RHBDD1: variants seen among roughly 807,000 people sequenced by gnomAD.
The protein encoded by RHBDD1 is rhomboid domain containing 1.
A neutral mutation model predicts 36.3 loss-of-function variants in RHBDD1; 38 were observed. That is an observed-to-expected ratio of 1.05 (90% CI 0.81 to 1.37). RHBDD1 has a LOEUF of 1.37. RHBDD1 is among the 40% of genes most tolerant of loss of function. The pLI is 0.00. For synonymous variants in RHBDD1, 151 were observed against 136.5 expected (o/e 1.11, Z -0.74); for missense variants, 393 against 377.6 (o/e 1.04, Z -0.34).
rs1415570803 is a variant in RHBDD1 at position 226,867,314 on chromosome 2, C to T, written c.562C>T (p.Pro188Ser). Residue 188 changes from proline (P) to serine (S), a missense_variant, in exon 5 of 9, where the codon CCA becomes TCA. Coordinates refer to ENST00000392062, the MANE Select transcript of RHBDD1 (RefSeq NM_001167608.3). ...ACTTGTGGCTATTCATTTATTCTCACCAGGGTAAGTGTTTTCTTTTGGGGA... is the reference window on the plus strand; with the variant it reads ...ACTTGTGGCTATTCATTTATTCTCATCAGGGTAAGTGTTTTCTTTTGGGGA... ...VELVAIHLFS[P>S]GTSFAGHLAG... The T allele has an allele frequency of 1.2e-6, 2 of 1,612,236 alleles. No individual in the cohort carries two copies. The highest frequency in any genetic ancestry group is 1.1e-5 in the South Asian group (1 of 90,362).
chr2:226,838,775 GAAAA>G (rs1559178305), intron 2 of RHBDD1, among the ~76,000 whole-genome samples: 1 of 151,958 alleles, frequency 6.6e-6, no homozygotes, highest in Non-Finnish European at 1.5e-5. Flanking sequence ...TTGTGAATGA[GAAAA>G]AACAAACACT....
intron 5 of RHBDD1, among the ~76,000 whole-genome samples, chr2:226,880,304 A>T (rs1374529126): frequency 6.6e-6 from 1 of 152,112 alleles, no homozygotes; most frequent in East Asian, 1.9e-4. Flanking sequence ...TTTCTTCTGC[A>T]TTTCTTAGAT....
intron 5 of RHBDD1, among the ~76,000 whole-genome samples, chr2:226,890,800 T>C (rs956070773): frequency 6.6e-6 from 1 of 152,166 alleles, no homozygotes; most frequent in African/African-American, 2.4e-5. Flanking sequence ...ATTCCTATTA[T>C]GTACCCATAA....
chr2:226,994,069 G>A (rs1958862826), intron 8 of RHBDD1, among the ~76,000 whole-genome samples: 1 of 152,132 alleles, frequency 6.6e-6, no homozygotes, highest in Admixed American at 6.5e-5. Flanking sequence ...GCTGGCTGCT[G>A]CTTTTGAGAG....
At chr2:226,950,417 T>C (rs1322944907) in intron 8 of RHBDD1, among the ~76,000 whole-genome samples, 1 of 152,232 alleles carries the variant, frequency 6.6e-6, no homozygotes, top group Admixed American at 6.5e-5. Flanking sequence ...ATTGTGTATA[T>C]GTTACCATGT....
the RHBDD1 span, among the ~76,000 whole-genome samples, chr2:226,821,656 G>A: frequency 6.6e-6 from 1 of 151,548 alleles, no homozygotes; most frequent in Non-Finnish European, 1.5e-5. Flanking sequence ...CTACTTCTTG[G>A]TCCTGCTTCT....
At chr2:226,855,910 T>G (rs533763569) in intron 3 of RHBDD1, among the ~76,000 whole-genome samples, 78 of 152,312 alleles carry the variant, frequency 5.1e-4, no homozygotes, top group Non-Finnish European at 8.5e-4. Context: ...TCTCTGCCAT[T>G]AATGTGAAGG....
intron 8 of RHBDD1, among the ~76,000 whole-genome samples, chr2:226,990,428 T>G (rs570323677): frequency 1.3e-5 from 2 of 152,326 alleles, no homozygotes; most frequent in East Asian, 3.9e-4. Context: ...TTTAGCTCCC[T>G]AATTTAAGGG....
chr2:226,873,563 G>A (rs1944962409), intron 5 of RHBDD1, among the ~76,000 whole-genome samples: 1 of 152,204 alleles, frequency 6.6e-6, no homozygotes, highest in African/African-American at 2.4e-5. Context: ...GCATGTTTCT[G>A]TTGAGAGGGG....
chr2:226,929,461 T>TA (rs1287134836), intron 8 of RHBDD1, among the ~76,000 whole-genome samples: 1 of 151,994 alleles, frequency 6.6e-6, no homozygotes, highest in African/African-American at 2.4e-5. Flanking sequence ...CCATTTATGA[T>TA]AAAAAATGTC....
chr2:226,816,394 A>C, the RHBDD1 span, among the ~76,000 whole-genome samples: 2 of 151,356 alleles, frequency 1.3e-5, no homozygotes, highest in African/African-American at 4.9e-5. Context: ...AAAAAAAAAA[A>C]AAGAAAAAAA....
intron 8 of RHBDD1, among the ~76,000 whole-genome samples, chr2:226,961,404 A>G (rs949501723): frequency 2.6e-5 from 4 of 152,194 alleles, no homozygotes; most frequent in Non-Finnish European, 5.9e-5. Context: ...TAGGTCACTT[A>G]TAGAAATCGT....
the RHBDD1 span, among the ~76,000 whole-genome samples, chr2:226,826,078 A>G: frequency 5.3e-5 from 8 of 152,352 alleles, no homozygotes; most frequent in Non-Finnish European, 1.0e-4. Flanking sequence ...ATCTAAAATA[A>G]TAATGAGTTG....
At chr2:226,912,322 C>G (rs1050512155) in intron 7 of RHBDD1, among the ~76,000 whole-genome samples, 7 of 152,080 alleles carry the variant, frequency 4.6e-5, no homozygotes, top group African/African-American at 1.7e-4. Context: ...TAAACAGAAT[C>G]GCCATGTGAC....
chr2:226,962,410 T>C (rs1575268517), intron 8 of RHBDD1, among the ~76,000 whole-genome samples: 1 of 152,250 alleles, frequency 6.6e-6, no homozygotes, highest in Non-Finnish European at 1.5e-5. Context: ...GTGTTGACAG[T>C]TCTAATTAAT....
At chr2:226,892,335 CA>C (rs1270139725) in intron 5 of RHBDD1, among the ~76,000 whole-genome samples, 1 of 152,150 alleles carries the variant, frequency 6.6e-6, no homozygotes, top group East Asian at 1.9e-4. Flanking sequence ...GATTTAACCA[CA>C]AGCAGAATTT....
At chr2:226,942,292 G>T (rs1950715859) in intron 8 of RHBDD1, among the ~76,000 whole-genome samples, 1 of 150,154 alleles carries the variant, frequency 6.7e-6, no homozygotes, top group African/African-American at 2.5e-5. Flanking sequence ...AGGCTGGAGT[G>T]CAGTGGCATG....
At chr2:226,956,128 A>C (rs963013208) in intron 8 of RHBDD1, among the ~76,000 whole-genome samples, 1 of 152,164 alleles carries the variant, frequency 6.6e-6, no homozygotes, top group Non-Finnish European at 1.5e-5. Context: ...ATTGTGTGCT[A>C]TCAAAGTACC....
chr2:226,967,298 G>A (rs923321222), intron 8 of RHBDD1, among the ~76,000 whole-genome samples: 7 of 152,110 alleles, frequency 4.6e-5, no homozygotes, highest in African/African-American at 7.2e-5. Flanking sequence ...GCTTATAGGA[G>A]GGCTGTTAAG....
Sources: allele counts gnomAD v4.1 joint callset (sites outside exome capture counted in the v4.1 genomes callset), GRCh38; gene constraint gnomAD v4.1.1; transcripts MANE v1.5; gene names NCBI Gene and HGNC (gene_info 2026-07-23, HGNC 2026-07-21).